TTBK2: variants seen among roughly 807,000 people sequenced by gnomAD.
The protein encoded by TTBK2 is tau tubulin kinase 2.
Under a neutral mutation model 110.8 loss-of-function variants are expected in TTBK2, and 28 were observed. The ratio of observed to expected loss-of-function variants is 0.25; its 90% CI spans 0.19 to 0.35. TTBK2 has a LOEUF of 0.35. TTBK2 is among the 10% of genes least tolerant of loss of function. The pLI is 1.00. For synonymous variants in TTBK2, 532 were observed against 527.3 expected (o/e 1.01, Z -0.12); for missense variants, 1,369 against 1,500.3 (o/e 0.91, Z 1.45).
intron 10 of TTBK2, among the ~76,000 whole-genome samples, chr15:42,791,177 C>T (rs554951461): frequency 8.5e-5 from 13 of 152,252 alleles, no homozygotes; most frequent in African/African-American, 2.4e-4. Flanking sequence ...AGCCACGGTG[C>T]CTGGCCAATT....
At chr15:42,907,571 T>A (rs2141204171) in intron 1 of TTBK2, among the ~76,000 whole-genome samples, 1 of 151,880 alleles carries the variant, frequency 6.6e-6, no homozygotes, top group Non-Finnish European at 1.5e-5. Flanking sequence ...TACAGAAAAA[T>A]AAATGTTGTA....
intron 9 of TTBK2, among the ~76,000 whole-genome samples, chr15:42,798,852 T>C (rs1399262229): frequency 6.6e-6 from 1 of 151,986 alleles, no homozygotes; most frequent in African/African-American, 2.4e-5. Flanking sequence ...GGGAAGTTGT[T>C]TGAAGAGGAG....
At chr15:42,813,107 T>C (rs1891792389) in intron 7 of TTBK2, among the ~76,000 whole-genome samples, 1 of 151,994 alleles carries the variant, frequency 6.6e-6, no homozygotes, top group South Asian at 2.1e-4. Context: ...AGGAAAGACA[T>C]GAACATTTTG....
chr15:42,850,628 C>T (rs536747296), intron 3 of TTBK2, among the ~76,000 whole-genome samples: 10 of 152,196 alleles, frequency 6.6e-5, no homozygotes, highest in Middle Eastern at 3.4e-3. Context: ...CTTGTATAAC[C>T]TGGATCTTAA....
rs773343074 is a variant in TTBK2 at position 42,752,153 on chromosome 15, G to A, written c.3093C>T (p.His1031=). 1.2e-6 allele frequency: 2 copies of A among 1,614,214 alleles called. No individual in the cohort carries two copies. Among genetic ancestry groups the A allele is most frequent in the Non-Finnish European group, 1.7e-6 (2 of 1,180,028 alleles). ...AGCTATCTTCAGCTGACCTACTCAGGTGAGAATCTACTGTCAGTCTTGAAA... is the reference window on the plus strand; with the variant it reads ...AGCTATCTTCAGCTGACCTACTCAGATGAGAATCTACTGTCAGTCTTGAAA... ...TPFSRLTVDS[H]LSRSAEDSFL... is the part of the protein sequence containing the mutation. Residue 1031 remains histidine, a synonymous_variant, in exon 14 of 15, where the codon CAC becomes CAT. Coordinates refer to ENST00000267890, the MANE Select transcript of TTBK2 (RefSeq NM_173500.4).
chr15:42,912,288 C>A (rs999280096), intron 1 of TTBK2, among the ~76,000 whole-genome samples: 23 of 152,022 alleles, frequency 1.5e-4, no homozygotes, highest in African/African-American at 5.1e-4. Flanking sequence ...GAAAAAGAGT[C>A]CATTTAGAAG....
chr15:42,902,275 T>C (rs1329425572), intron 1 of TTBK2, among the ~76,000 whole-genome samples: 2 of 147,248 alleles, frequency 1.4e-5, no homozygotes, highest in African/African-American at 5.0e-5. Context: ...AATCCCAGCA[T>C]TTCGGGAGGC....
intron 4 of TTBK2, 110 bp from the exon 5 acceptor site, chr15:42,830,188 G>T (rs895784650): frequency 1.3e-5 from 18 of 1,346,774 alleles, no homozygotes; most frequent in African/African-American, 1.3e-4. Context: ...AAAATAGCAA[G>T]AATTTTTTTT....
intron 3 of TTBK2, among the ~76,000 whole-genome samples, chr15:42,853,701 A>G (rs527945510): frequency 1.1e-4 from 16 of 152,226 alleles, no homozygotes; most frequent in African/African-American, 3.9e-4. Context: ...TATAACCAAC[A>G]TCGTCAGATT....
intron 6 of TTBK2, among the ~76,000 whole-genome samples, chr15:42,823,683 GAACAC>G (rs369376986): frequency 9.2e-5 from 14 of 151,738 alleles, no homozygotes; most frequent in African/African-American, 1.2e-4. Context: ...GGATGGCTTT[GAACAC>G]AACACAACAC....
At chr15:42,772,156 G>A (rs960870695) in intron 13 of TTBK2, among the ~76,000 whole-genome samples, 1 of 151,870 alleles carries the variant, frequency 6.6e-6, no homozygotes, top group Non-Finnish European at 1.5e-5. Flanking sequence ...AGAAGTGATG[G>A]TATGTCCCTT....
At position 42,816,991 on chromosome 15, in the gene TTBK2, T is replaced by C. The variant is rs376930539; in HGVS notation, c.603+41A>G. On this transcript the variant is annotated intron_variant, in intron 7 of 14. Coordinates refer to ENST00000267890, the MANE Select transcript of TTBK2 (RefSeq NM_173500.4). ...AAGAAGTCAATCTGATTTAAGCTAT[T>C]AGCATACTTATACAGATATGACTCT... The C allele has an allele frequency of 1.4e-5, 20 of 1,390,074 alleles. No individual in the cohort carries two copies. In the African/African-American group the frequency reaches 2.3e-4, roughly 16 times the overall value. 86.1% of individuals were successfully genotyped at this position (1,390,074 alleles called of 1,614,324 possible).
At chr15:42,776,109 T>C (rs1004093833) in intron 12 of TTBK2, among the ~76,000 whole-genome samples, 1 of 152,114 alleles carries the variant, frequency 6.6e-6, no homozygotes, top group African/African-American at 2.4e-5. Context: ...AACATAGCTA[T>C]GAATGATTAC....
Position 42,794,498 on chromosome 15 carries a change from A to T in TTBK2, c.980+146T>A. 2.7e-6 allele frequency: 3 copies of T among 1,110,798 alleles called. No individual in the cohort carries two copies. The South Asian group carries it at 3.9e-5, about 15-fold the overall frequency. The allele number at this position is 1,110,798 out of a possible 1,614,324, so 68.8% of individuals were successfully genotyped here. On this transcript the variant is annotated intron_variant, in intron 10 of 14. Coordinates refer to ENST00000267890, the MANE Select transcript of TTBK2 (RefSeq NM_173500.4). The stretch of plus-strand genomic sequence containing the variant: ...AAAGCAAGTAATTCCAAAGGCGTAC[A>T]TAAGAGCAATGTTAATTCGAGGAGA...
At chr15:42,802,092 G>T in intron 9 of TTBK2, 2 of 1,451,820 alleles carry the variant, frequency 1.4e-6, no homozygotes, top group African/African-American at 1.4e-5. Flanking sequence ...ACCGTACCTT[G>T]TCTATGAAGG....
intron 14 of TTBK2, among the ~76,000 whole-genome samples, chr15:42,749,557 A>G (rs2061837904): frequency 6.6e-6 from 1 of 152,328 alleles, no homozygotes; most frequent in South Asian, 2.1e-4. Flanking sequence ...CTGTCCTCCA[A>G]TTACTGGGGA....
chr15:42,906,897 C>G (rs2030431726), intron 1 of TTBK2, among the ~76,000 whole-genome samples: 1 of 151,290 alleles, frequency 6.6e-6, no homozygotes, highest in Non-Finnish European at 1.5e-5. Context: ...AAAAAAAAGA[C>G]ATTCGGGCCA....
At chr15:42,914,794 A>T (rs1402207574) in intron 1 of TTBK2, among the ~76,000 whole-genome samples, 1 of 152,222 alleles carries the variant, frequency 6.6e-6, no homozygotes, top group Admixed American at 6.5e-5. Context: ...CTGGTGAAGT[A>T]TGTAGAATGA....
chr15:42,783,054 C>T (rs1298698914), intron 11 of TTBK2, among the ~76,000 whole-genome samples: 3 of 152,134 alleles, frequency 2.0e-5, no homozygotes, highest in Non-Finnish European at 4.4e-5. Context: ...CATATCACAT[C>T]GATCCAGAGA....
Sources: gnomAD v4.1 joint callset for allele counts (sites outside exome capture counted in the v4.1 genomes callset) on GRCh38, gnomAD v4.1.1 for gene constraint, MANE v1.5 for transcripts, NCBI Gene and HGNC (gene_info 2026-07-23, HGNC 2026-07-21) for gene names.